CTDSP1: variants seen among roughly 807,000 people sequenced by gnomAD.
CTDSP1 encodes carboxy-terminal domain RNA polymerase II polypeptide A small phosphatase 1.
Under a neutral mutation model 32.5 loss-of-function variants are expected in CTDSP1, and 15 were observed. The observed-to-expected ratio is 0.46, with a 90% CI of 0.31 to 0.71. The LOEUF (loss-of-function observed/expected upper bound fraction) is 0.71. CTDSP1 is among the 30% of genes least tolerant of loss of function. CTDSP1 has a pLI of 0.05. For missense variants in CTDSP1, 294 were observed against 351.1 expected, an observed-to-expected ratio of 0.84 and a Z score of 1.30; for synonymous variants, 185 against 145.4, an observed-to-expected ratio of 1.27 and a Z score of -1.96.
upstream of CTDSP1, chr2:218,398,141 T>G: frequency 3.9e-6 from 2 of 507,110 alleles, no homozygotes; most frequent in South Asian, 4.3e-5. Context: ...TTTGGGGTCA[T>G]GAGGGCCCCG....
At chr2:218,396,784 G>T (rs1696810412), upstream of CTDSP1, 1 of 152,612 alleles carries the variant, frequency 6.6e-6, no homozygotes, top group African/African-American at 2.4e-5. Flanking sequence ...TGCCCCCGTT[G>T]TACCCCCTAC....
upstream of CTDSP1, chr2:218,396,866 C>T (rs922465019): frequency 1.3e-5 from 2 of 152,508 alleles, no homozygotes; most frequent in African/African-American, 4.8e-5. Context: ...GCGGCAAAGT[C>T]CCGAATTAAA....
In CTDSP1 at chr2:218,401,967, C is replaced by G. The variant is rs1559136582; in HGVS notation, c.217-144C>G. 5 of 702,116 alleles carry G rather than the reference C, an allele frequency of 7.1e-6. No homozygotes were observed. In the South Asian group the frequency reaches 7.2e-5, roughly 10 times the overall value. The allele number at this position is 702,116 out of a possible 1,614,324, so 43.5% of individuals were successfully genotyped here. ...CAAGAGGCCTACCCAAGCCCTAGAG[C>G]TGGCAGGGGCAAAGCTGGGAAGGGG... On this transcript the variant is annotated intron_variant, in intron 2 of 6. Coordinates refer to ENST00000273062, the MANE Select transcript of CTDSP1 (RefSeq NM_021198.3).
chr2:218,397,263 C>G (rs929305651), upstream of CTDSP1, among the ~76,000 whole-genome samples: 1 of 152,188 alleles, frequency 6.6e-6, no homozygotes, highest in African/African-American at 2.4e-5. Flanking sequence ...GTCATTTGGA[C>G]ACTGGAAGGC....
At chr2:218,398,489 C>A, upstream of CTDSP1, 1 of 1,485,252 alleles carries the variant, frequency 6.7e-7, no homozygotes, top group East Asian at 2.7e-5. Context: ...GGTATCAGTC[C>A]CCGACAGTCC....
chr2:218,397,256 A>C (rs1696862699), upstream of CTDSP1, among the ~76,000 whole-genome samples: 1 of 152,190 alleles, frequency 6.6e-6, no homozygotes, highest in South Asian at 2.1e-4. Flanking sequence ...AAGGTCAGTC[A>C]TTTGGACACT....
chr2:218,402,519 G>T, intron 4 of CTDSP1, 114 bp downstream of exon 4: 1 of 1,088,868 alleles, frequency 9.2e-7, no homozygotes, highest in Non-Finnish European at 1.4e-6. Flanking sequence ...AATGTCAGAG[G>T]CCCAGAGAGG....
intron 2 of CTDSP1, 79 bp downstream of exon 2, chr2:218,401,791 G>C: frequency 2.2e-6 from 3 of 1,363,988 alleles, no homozygotes; most frequent in South Asian, 1.5e-5. Context: ...TCCTGACTGA[G>C]CTTTTCAGGA....
At chr2:218,400,666 C>G (rs1486057232) in intron 1 of CTDSP1, 1 of 446,572 alleles carries the variant, frequency 2.2e-6, no homozygotes, top group Non-Finnish European at 4.5e-6. Context: ...CCACAAACTT[C>G]GCGTCACGCG....
chr2:218,398,925 G>A (rs568346673), upstream of CTDSP1: 1 of 152,734 alleles, frequency 6.5e-6, no homozygotes, highest in East Asian at 1.9e-4. Flanking sequence ...CACAGGCCGG[G>A]TGGAACGGGC....
intron 6 of CTDSP1, chr2:218,403,670 A>C (rs1697272861): frequency 4.8e-6 from 2 of 413,574 alleles, no homozygotes; most frequent in Admixed American, 4.0e-5. Flanking sequence ...GAGTTTGGAA[A>C]GTTTCAATTT....
In CTDSP1 at chr2:218,402,475, C is replaced by T. The variant is rs1452255522; in HGVS notation, c.378+70C>T. On this transcript the variant is annotated intron_variant, in intron 4 of 6. Transcript: ENST00000273062. ...AGACCCTAGGCTCTTCCCACCAATC[C>T]GGAGCGCCTCGGATGGGAATTGGAT... The T allele has an allele frequency of 8.9e-6, 13 of 1,459,018 alleles. No individual in the cohort carries two copies. In the Admixed American group the frequency reaches 1.0e-4, roughly 12 times the overall value. The allele number at this position is 1,459,018 out of a possible 1,614,324, so 90.4% of individuals were successfully genotyped here.
upstream of CTDSP1, chr2:218,398,172 G>T: frequency 7.4e-6 from 4 of 540,912 alleles, no homozygotes; most frequent in South Asian, 8.4e-5. Context: ...TAAAGCCGAG[G>T]CCCCACCCAG....
intron 4 of CTDSP1, 40 bp from the exon 5 acceptor site, chr2:218,402,995 C>T (rs1476688050): frequency 1.3e-6 from 2 of 1,494,256 alleles, no homozygotes; most frequent in Non-Finnish European, 1.9e-6. Context: ...CCCCACACTG[C>T]CCCACTGGCC....
chr2:218,399,769 G>T, upstream of CTDSP1: 1 of 1,051,646 alleles, frequency 9.5e-7, no homozygotes. Flanking sequence ...TAGCCGCGCC[G>T]GTCCCAGAAG....
At chr2:218,401,501 A>C (rs1697136757) in intron 1 of CTDSP1, 63 bp from the exon 2 acceptor site, 1 of 1,586,038 alleles carries the variant, frequency 6.3e-7, no homozygotes, top group South Asian at 1.1e-5. Flanking sequence ...ACACCTGGGC[A>C]CACATGCAGG....
chr2:218,404,646 C>T lies in CTDSP1; in HGVS notation c.*221C>T. 9.3e-6 allele frequency: 5 copies of T among 537,204 alleles called. No individual in the cohort carries two copies. The highest frequency in any genetic ancestry group is 1.6e-5 in the Non-Finnish European group (5 of 306,268). 33.3% of individuals were successfully genotyped at this position (537,204 alleles called of 1,614,324 possible). On this transcript the variant is annotated 3_prime_UTR_variant, in exon 7 of 7. Coordinates refer to ENST00000273062, the MANE Select transcript of CTDSP1 (RefSeq NM_021198.3). ...GCCCCGTGTCAGTGCCTTCAAACCT[C>T]CTCCCCTATTCTCAGGGGACCTGGG...
At chr2:218,401,176 T>A in intron 1 of CTDSP1, 1 of 365,198 alleles carries the variant, frequency 2.7e-6, no homozygotes, top group South Asian at 2.1e-5. Context: ...TGGACTGCCC[T>A]GGGTCCCAGG....
chr2:218,396,512 C>G (rs560984378), upstream of CTDSP1: 4 of 152,570 alleles, frequency 2.6e-5, no homozygotes, highest in East Asian at 3.8e-4. Flanking sequence ...GCTCCGCGCT[C>G]AGGTCCGGAC....
Sources: allele counts gnomAD v4.1 joint callset (sites outside exome capture counted in the v4.1 genomes callset), GRCh38; gene constraint gnomAD v4.1.1; transcripts MANE v1.5; gene names NCBI Gene and HGNC (gene_info 2026-07-23, HGNC 2026-07-21).